The following ZCWPW2 variants were observed in gnomAD, a reference collection of about 807,000 sequenced individuals.
The protein encoded by ZCWPW2 is zinc finger CW-type PWWP domain protein 2.
In ZCWPW2, 45 loss-of-function variants were observed where a neutral mutation model predicts 46.6. The ratio of observed to expected loss-of-function variants is 0.96; its 90% CI spans 0.76 to 1.24. The LOEUF (loss-of-function observed/expected upper bound fraction) is 1.24, where lower values mean the gene tolerates loss of function less well. Ranked by LOEUF, ZCWPW2 falls within the 50% of genes most tolerant of loss-of-function variation. The probability of loss-of-function intolerance (pLI) is 0.00; values close to 1 mark genes in which losing one functional copy is unlikely to be tolerated. For missense variants in ZCWPW2, 429 were observed against 403.9 expected (o/e 1.06, Z -0.53); for synonymous variants, 152 against 137.1 (o/e 1.11, Z -0.76).
At chr3:28,431,449 G>C (rs569561806) in intron 3 of ZCWPW2, among the ~76,000 whole-genome samples, 1 of 151,756 alleles carries the variant, frequency 6.6e-6, no homozygotes, top group Non-Finnish European at 1.5e-5. Context: ...TTTTCTTGCT[G>C]TGCCCTATCA....
chr3:28,354,081 A>C (rs1408099463), intron 1 of ZCWPW2, among the ~76,000 whole-genome samples: 1 of 152,172 alleles, frequency 6.6e-6, no homozygotes, highest in Non-Finnish European at 1.5e-5. Context: ...TTTAAAGTAC[A>C]AGGAGGTAAA....
At chr3:28,451,835 C>T (rs1479246362) in intron 4 of ZCWPW2, among the ~76,000 whole-genome samples, 4 of 152,108 alleles carry the variant, frequency 2.6e-5, no homozygotes, top group African/African-American at 4.8e-5. Flanking sequence ...TGGAAAAATA[C>T]GTTGGAAAAT....
intron 2 of ZCWPW2, among the ~76,000 whole-genome samples, chr3:28,395,797 T>C (rs1258544171): frequency 1.3e-5 from 2 of 152,142 alleles, no homozygotes; most frequent in Non-Finnish European, 2.9e-5. Context: ...CTTGCACTTA[T>C]AAAATCCTTA....
Position 28,493,255 on chromosome 3 carries a change from T to G in ZCWPW2, c.657+1082T>G, listed in dbSNP as rs1197659664. Among the ~76,000 whole-genome samples the G allele has an allele frequency of 7.1e-5, 10 of 141,494 alleles. No individual in the cohort carries two copies. The East Asian group carries it at 2.1e-3, about 30-fold the overall frequency. The allele number at this position is 141,494 out of a possible 152,430, so 92.8% of individuals were successfully genotyped here. ...TGCTGGTGCGCTGCAGCCACTAACG[T>G]GTCATCTAGCATTAGGTATATCTCC... On this transcript the variant is annotated intron_variant, in intron 6 of 9. Transcript: ENST00000383768.
At chr3:28,367,064 T>C (rs1003926882) in intron 1 of ZCWPW2, among the ~76,000 whole-genome samples, 2 of 152,224 alleles carry the variant, frequency 1.3e-5, no homozygotes, top group Non-Finnish European at 2.9e-5. Flanking sequence ...GCTAGCAGTC[T>C]ATCAATTTTG....
At chr3:28,423,694 T>A (rs1296721983) in intron 3 of ZCWPW2, among the ~76,000 whole-genome samples, 1 of 152,040 alleles carries the variant, frequency 6.6e-6, no homozygotes, top group Non-Finnish European at 1.5e-5. Context: ...GAAACGGATC[T>A]TGGTTGTTTG....
chr3:28,436,051 A>G (rs1559503730), intron 4 of ZCWPW2, among the ~76,000 whole-genome samples: 1 of 152,118 alleles, frequency 6.6e-6, no homozygotes, highest in African/African-American at 2.4e-5. Flanking sequence ...CATTATAATT[A>G]ATAGATAGAT....
chr3:28,519,797 C>T (rs1389059897), intron 8 of ZCWPW2, among the ~76,000 whole-genome samples: 1 of 152,190 alleles, frequency 6.6e-6, no homozygotes, highest in East Asian at 1.9e-4. Flanking sequence ...TGCAAGACAG[C>T]AGGCCACATG....
At chr3:28,422,377 C>T (rs974000692) in intron 3 of ZCWPW2, among the ~76,000 whole-genome samples, 1 of 152,112 alleles carries the variant, frequency 6.6e-6, no homozygotes, top group African/African-American at 2.4e-5. Flanking sequence ...CTCCTATTTA[C>T]CCTTCTATCC....
intron 4 of ZCWPW2, among the ~76,000 whole-genome samples, chr3:28,473,552 T>C (rs1352191695): frequency 6.6e-6 from 1 of 151,596 alleles, no homozygotes; most frequent in Non-Finnish European, 1.5e-5. Flanking sequence ...AGAAAGGAAA[T>C]CGGTTTATTG....
At chr3:28,492,439 T>C (rs1182265629) in intron 6 of ZCWPW2, among the ~76,000 whole-genome samples, 2 of 152,066 alleles carry the variant, frequency 1.3e-5, no homozygotes, top group Non-Finnish European at 2.9e-5. Context: ...TTTACTTAAA[T>C]TATATTTCAT....
chr3:28,494,575 C>T (rs1360581348), intron 6 of ZCWPW2, among the ~76,000 whole-genome samples: 4 of 151,364 alleles, frequency 2.6e-5, no homozygotes, highest in African/African-American at 9.7e-5. Context: ...AAGTTCTGGC[C>T]AGGGCAATCA....
intron 3 of ZCWPW2, among the ~76,000 whole-genome samples, chr3:28,425,558 G>T (rs1025010638): frequency 9.2e-5 from 14 of 152,156 alleles, no homozygotes; most frequent in African/African-American, 3.1e-4. Flanking sequence ...GGCCTTACAT[G>T]TAGCTTCTAA....
chr3:28,431,290 T>G (rs941395390), intron 3 of ZCWPW2, among the ~76,000 whole-genome samples: 44 of 152,200 alleles, frequency 2.9e-4, no homozygotes, highest in African/African-American at 1.0e-3. Context: ...ATTTGTTTGC[T>G]AGGGCTGCCA....
At chr3:28,479,524 G>A (rs1699355257) in intron 5 of ZCWPW2, among the ~76,000 whole-genome samples, 1 of 152,004 alleles carries the variant, frequency 6.6e-6, no homozygotes, top group African/African-American at 2.4e-5. Context: ...GACATTTTTT[G>A]TATATATTTA....
At chr3:28,412,369 T>G (rs1339582069) in intron 2 of ZCWPW2, among the ~76,000 whole-genome samples, 3 of 151,990 alleles carry the variant, frequency 2.0e-5, no homozygotes, top group African/African-American at 7.2e-5. Flanking sequence ...TATATGAGAT[T>G]TATTTAATTT....
At chr3:28,365,419 C>T (rs1705089039) in intron 1 of ZCWPW2, among the ~76,000 whole-genome samples, 1 of 141,132 alleles carries the variant, frequency 7.1e-6, no homozygotes, top group African/African-American at 2.5e-5. Context: ...TTCCCCATTG[C>T]TTGTTTTTGT....
chr3:28,413,047 A>G lies in ZCWPW2; in HGVS notation c.-13-9A>G. On this transcript the variant is annotated splice_polypyrimidine_tract_variant and intron_variant, in intron 2 of 9. Coordinates refer to ENST00000383768, the MANE Select transcript of ZCWPW2 (RefSeq NM_001040432.4). ...TCATTCTGTTATTTTCCTCTTTCTT[A>G]TTTTCCAGATTAAATGCCTTAATGG... The G allele has an allele frequency of 6.3e-7, 1 of 1,578,906 alleles. No homozygotes were observed.
chr3:28,403,572 A>T (rs1235180049), intron 2 of ZCWPW2, among the ~76,000 whole-genome samples: 2 of 152,198 alleles, frequency 1.3e-5, no homozygotes, highest in Admixed American at 6.5e-5. Flanking sequence ...ACCAAAAAAG[A>T]GCCCACATAG....
Sources: allele counts gnomAD v4.1 joint callset (sites outside exome capture counted in the v4.1 genomes callset), GRCh38; gene constraint gnomAD v4.1.1; transcripts MANE v1.5; gene names NCBI Gene and HGNC (gene_info 2026-07-23, HGNC 2026-07-21).